The following FAM13C variants were observed in gnomAD, a reference collection of about 807,000 sequenced individuals.
FAM13C encodes family with sequence similarity 13 member C.
Under a neutral mutation model 73.2 loss-of-function variants are expected in FAM13C, and 37 were observed. The observed-to-expected ratio is 0.51, with a 90% CI of 0.39 to 0.67. The LOEUF (loss-of-function observed/expected upper bound fraction) is 0.67, where lower values mean the gene tolerates loss of function less well. FAM13C is among the 30% of genes least tolerant of loss of function. The pLI is 0.00. For synonymous variants in FAM13C, 246 were observed against 260.9 expected (o/e 0.94, Z 0.55); for missense variants, 589 against 715.6 (o/e 0.82, Z 2.02).
intron 6 of FAM13C, among the ~76,000 whole-genome samples, chr10:59,278,833 TACACAC>T (rs3078283): frequency 1.0e-4 from 15 of 147,782 alleles, no homozygotes; most frequent in South Asian, 2.1e-4. Flanking sequence ...CACATACACA[TACACAC>T]ACACACACAC....
chr10:59,284,033 GT>G (rs1157166495), intron 5 of FAM13C, among the ~76,000 whole-genome samples: 1 of 146,436 alleles, frequency 6.8e-6, no homozygotes, highest in Non-Finnish European at 1.5e-5. Context: ...GCTGGGGTAT[GT>G]GTGTGTGTGT....
At chr10:59,354,466 T>C (rs1855457266) in intron 2 of FAM13C, among the ~76,000 whole-genome samples, 1 of 152,214 alleles carries the variant, frequency 6.6e-6, no homozygotes. Flanking sequence ...CATGGTGTCC[T>C]GAAAAAAGCC....
At chr10:59,268,445 G>C in intron 8 of FAM13C, 108 bp downstream of exon 8, 2 of 1,473,228 alleles carry the variant, frequency 1.4e-6, no homozygotes, top group Non-Finnish European at 1.9e-6. Flanking sequence ...CATGGGAACA[G>C]AGCTGTCCCC....
chr10:59,292,695 A>G (rs972542082), intron 5 of FAM13C, among the ~76,000 whole-genome samples: 31 of 152,244 alleles, frequency 2.0e-4, no homozygotes, highest in Admixed American at 2.6e-4. Context: ...ACTAATTTTT[A>G]AGTTATATAT....
chr10:59,248,573 G>A (rs185320092), intron 13 of FAM13C, among the ~76,000 whole-genome samples: 7 of 152,244 alleles, frequency 4.6e-5, no homozygotes, highest in East Asian at 1.9e-4. Flanking sequence ...ATAGCCAATC[G>A]TTTTGAAAAC....
chr10:59,266,862 A>T (rs1225785179), intron 8 of FAM13C, among the ~76,000 whole-genome samples: 1 of 152,238 alleles, frequency 6.6e-6, no homozygotes, highest in African/African-American at 2.4e-5. Flanking sequence ...CAAGGCAGAG[A>T]CTGCCATGGA....
At chr10:59,310,774 C>A (rs1394693054) in intron 4 of FAM13C, among the ~76,000 whole-genome samples, 1 of 152,196 alleles carries the variant, frequency 6.6e-6, no homozygotes, top group East Asian at 1.9e-4. Flanking sequence ...ACTTCCCCAA[C>A]CACCACCTCC....
intron 11 of FAM13C, chr10:59,254,007 A>G (rs1303053518): frequency 2.4e-5 from 7 of 293,334 alleles, no homozygotes; most frequent in Non-Finnish European, 4.4e-5. Flanking sequence ...CAACACACAG[A>G]ACAGAAAGGC....
chr10:59,280,614 G>A (rs1844817550), intron 6 of FAM13C, among the ~76,000 whole-genome samples: 1 of 152,200 alleles, frequency 6.6e-6, no homozygotes, highest in Non-Finnish European at 1.5e-5. Context: ...ATCCTAGACT[G>A]TCTAGAGAGG....
chr10:59,339,721 G>A (rs546453653), intron 3 of FAM13C, among the ~76,000 whole-genome samples: 3 of 152,210 alleles, frequency 2.0e-5, no homozygotes, highest in Non-Finnish European at 4.4e-5. Flanking sequence ...CTCACTGATA[G>A]TTTTGCCCCA....
intron 6 of FAM13C, chr10:59,282,544 T>G (rs1415426423): frequency 6.6e-6 from 1 of 152,148 alleles, no homozygotes; most frequent in Non-Finnish European, 1.5e-5. Context: ...TGTGTAAATC[T>G]TTGCCTTCAA....
At chr10:59,273,212 A>C (rs1410093136) in intron 6 of FAM13C, among the ~76,000 whole-genome samples, 1 of 152,198 alleles carries the variant, frequency 6.6e-6, no homozygotes, top group East Asian at 1.9e-4. Context: ...ACACATTAAA[A>C]CAAATTCCTC....
chr10:59,337,084 T>C (rs980906555), intron 3 of FAM13C, among the ~76,000 whole-genome samples: 53 of 152,218 alleles, frequency 3.5e-4, no homozygotes, highest in African/African-American at 1.1e-3. Context: ...AAAAATCATC[T>C]CTTGTGTGAA....
chr10:59,345,080 G>A (rs1045273036), intron 3 of FAM13C, among the ~76,000 whole-genome samples: 4 of 152,144 alleles, frequency 2.6e-5, no homozygotes, highest in African/African-American at 9.7e-5. Context: ...AAGATGCATA[G>A]GAAGTGGCAA....
upstream of FAM13C, chr10:59,362,559 C>A (rs1432572357): frequency 1.3e-6 from 2 of 1,552,214 alleles, no homozygotes; most frequent in Non-Finnish European, 8.7e-7. Flanking sequence ...CGGGCTCGCC[C>A]GGCACGCTCG....
chr10:59,308,886 G>A (rs116292515), intron 4 of FAM13C, among the ~76,000 whole-genome samples: 270 of 152,230 alleles, frequency 1.8e-3, no homozygotes, highest in African/African-American at 6.1e-3. Context: ...TGGCCTCCTC[G>A]CAGGAGGTGT....
At chr10:59,271,269 CTT>C (rs1172789412) in intron 6 of FAM13C, among the ~76,000 whole-genome samples, 1 of 152,218 alleles carries the variant, frequency 6.6e-6, no homozygotes, top group East Asian at 1.9e-4. Flanking sequence ...AAAATAAACA[CTT>C]ATCACAATTT....
chr10:59,292,685 A>G (rs1846402820), intron 5 of FAM13C, among the ~76,000 whole-genome samples: 1 of 152,256 alleles, frequency 6.6e-6, no homozygotes, highest in South Asian at 2.1e-4. Flanking sequence ...TTCCTCAAAT[A>G]CTAATTTTTA....
intron 6 of FAM13C, among the ~76,000 whole-genome samples, chr10:59,271,437 C>T (rs775041314): frequency 6.6e-5 from 10 of 152,170 alleles, no homozygotes; most frequent in African/African-American, 1.4e-4. Flanking sequence ...GAATGGATAA[C>T]GCCTCCTATT....
Sources: gnomAD v4.1 joint callset for allele counts (sites outside exome capture counted in the v4.1 genomes callset) on GRCh38, gnomAD v4.1.1 for gene constraint, MANE v1.5 for transcripts, NCBI Gene and HGNC (gene_info 2026-07-23, HGNC 2026-07-21) for gene names.